Variants in FCHSD2 observed in about 807,000 individuals in gnomAD.
The protein encoded by FCHSD2 is FCH and double SH3 domains 2, also known as F-BAR and double SH3 domains protein 2.
A neutral mutation model predicts 108.1 loss-of-function variants in FCHSD2; 38 were observed. The observed-to-expected ratio is 0.35, with a 90% CI of 0.27 to 0.46. The LOEUF is 0.46. Ranked by LOEUF, FCHSD2 falls within the 20% of genes least tolerant of loss-of-function variation. FCHSD2 has a pLI of 1.00. For missense variants in FCHSD2, 751 were observed against 897.8 expected, an observed-to-expected ratio of 0.84 and a Z score of 2.09; for synonymous variants, 279 against 314.7, an observed-to-expected ratio of 0.89 and a Z score of 1.20.
intron 3 of FCHSD2, among the ~76,000 whole-genome samples, chr11:73,021,997 G>A (rs1261211987): frequency 6.6e-6 from 1 of 152,096 alleles, no homozygotes; most frequent in African/African-American, 2.4e-5. Context: ...AGGAGAATGA[G>A]ATGGGAGGAT....
At chr11:72,941,040 C>T in intron 8 of FCHSD2, 1 of 707,416 alleles carries the variant, frequency 1.4e-6, no homozygotes, top group Non-Finnish European at 2.6e-6. Flanking sequence ...GTATGTTCCA[C>T]CATGCTATTG....
At chr11:73,096,709 G>A (rs569514783) in intron 2 of FCHSD2, among the ~76,000 whole-genome samples, 17 of 152,024 alleles carry the variant, frequency 1.1e-4, no homozygotes, top group East Asian at 1.9e-4. Context: ...CACTGAGTAC[G>A]ATGTTACTGT....
intron 2 of FCHSD2, among the ~76,000 whole-genome samples, chr11:73,115,650 T>A (rs1368308086): frequency 6.6e-6 from 1 of 152,212 alleles, no homozygotes; most frequent in East Asian, 1.9e-4. Flanking sequence ...GATATTTATT[T>A]TAAGAAATTG....
chr11:72,848,352 G>A (rs746582575), intron 14 of FCHSD2, among the ~76,000 whole-genome samples: 2 of 152,072 alleles, frequency 1.3e-5, no homozygotes, highest in Non-Finnish European at 2.9e-5. Context: ...CTCTATACCT[G>A]CTGTTCTCTT....
chr11:73,063,911 A>T (rs1297090715), intron 3 of FCHSD2, among the ~76,000 whole-genome samples: 1 of 152,132 alleles, frequency 6.6e-6, no homozygotes, highest in African/African-American at 2.4e-5. Flanking sequence ...GATATTCAGG[A>T]CCTAAACTCA....
intron 9 of FCHSD2, 115 bp from the exon 10 acceptor site, chr11:72,902,753 CTG>C: frequency 4.9e-6 from 3 of 615,354 alleles, no homozygotes; most frequent in South Asian, 2.3e-5. Flanking sequence ...TCATCCAACA[CTG>C]TGGTAAAAAA....
chr11:72,967,915 C>A (rs933482198), intron 8 of FCHSD2, among the ~76,000 whole-genome samples: 1 of 151,810 alleles, frequency 6.6e-6, no homozygotes, highest in Non-Finnish European at 1.5e-5. Context: ...CGCGGTGAAT[C>A]CCCATCTCTA....
chr11:73,108,533 T>C (rs192624511), intron 2 of FCHSD2, among the ~76,000 whole-genome samples: 5 of 149,118 alleles, frequency 3.4e-5, no homozygotes, highest in East Asian at 2.0e-4. Context: ...GTTTCATAGA[T>C]TGAGATTTTA....
intron 8 of FCHSD2, among the ~76,000 whole-genome samples, chr11:72,938,176 GTTTTTT>G (rs67901943): frequency 1.8e-5 from 2 of 112,558 alleles, no homozygotes; most frequent in Admixed American, 9.1e-5. Context: ...TTATGAAGGA[GTTTTTT>G]TTTTTTTTTT....
chr11:72,970,761 C>T (rs1486540137), intron 8 of FCHSD2, among the ~76,000 whole-genome samples: 1 of 152,148 alleles, frequency 6.6e-6, no homozygotes, highest in Non-Finnish European at 1.5e-5. Context: ...GAAGAAAGGC[C>T]GCTGAACCTC....
At chr11:72,938,910 G>C (rs1238613823) in intron 8 of FCHSD2, among the ~76,000 whole-genome samples, 2 of 152,098 alleles carry the variant, frequency 1.3e-5, no homozygotes, top group Non-Finnish European at 2.9e-5. Flanking sequence ...GCTGATTTAA[G>C]ATTATAAATA....
intron 3 of FCHSD2, among the ~76,000 whole-genome samples, chr11:73,064,613 A>C (rs1246949590): frequency 1.3e-5 from 2 of 152,022 alleles, no homozygotes; most frequent in East Asian, 3.9e-4. Context: ...GATATCACTG[A>C]TTCTGTGGGA....
chr11:72,953,459 T>C (rs1443797537), intron 8 of FCHSD2, among the ~76,000 whole-genome samples: 3 of 152,220 alleles, frequency 2.0e-5, no homozygotes, highest in Non-Finnish European at 4.4e-5. Flanking sequence ...TTGTAAAACA[T>C]CATCTAATTT....
At chr11:73,096,505 T>C (rs1393693579) in intron 2 of FCHSD2, among the ~76,000 whole-genome samples, 5 of 151,832 alleles carry the variant, frequency 3.3e-5, no homozygotes, top group African/African-American at 1.2e-4. Context: ...GAGCCGAGAT[T>C]GTGCTGCTGC....
intron 3 of FCHSD2, chr11:73,077,623 C>T: frequency 2.3e-6 from 1 of 434,848 alleles, no homozygotes; most frequent in South Asian, 1.7e-5. Flanking sequence ...CTCACATGTC[C>T]ATCAACAGGA....
At chr11:72,881,216 G>A (rs1309244889) in intron 12 of FCHSD2, among the ~76,000 whole-genome samples, 1 of 152,096 alleles carries the variant, frequency 6.6e-6, no homozygotes, top group Non-Finnish European at 1.5e-5. Context: ...TTGGGCAATG[G>A]ATGTGTAACC....
At chr11:73,052,413 T>G (rs1215226221) in intron 3 of FCHSD2, among the ~76,000 whole-genome samples, 4 of 152,264 alleles carry the variant, frequency 2.6e-5, no homozygotes, top group South Asian at 4.1e-4. Context: ...TAATTTTTTT[T>G]TTAAAAAAAG....
chr11:73,138,133 A>C (rs1861165477), intron 2 of FCHSD2, among the ~76,000 whole-genome samples: 1 of 152,270 alleles, frequency 6.6e-6, no homozygotes, highest in South Asian at 2.1e-4. Context: ...GACTATATCA[A>C]CTTAGCTTAG....
intron 9 of FCHSD2, 62 bp from the exon 10 acceptor site, chr11:72,902,700 A>G: frequency 5.0e-6 from 5 of 999,614 alleles, no homozygotes; most frequent in Non-Finnish European, 7.4e-6. Flanking sequence ...ATTACATTAT[A>G]AAGTTTAAGA....
Sources: gnomAD v4.1 joint callset for allele counts (sites outside exome capture counted in the v4.1 genomes callset) on GRCh38, gnomAD v4.1.1 for gene constraint, MANE v1.5 for transcripts, NCBI Gene and HGNC (gene_info 2026-07-23, HGNC 2026-07-21) for gene names.